The following KLF12 variants were observed in gnomAD, a reference collection of about 807,000 sequenced individuals.
KLF12 encodes Krueppel-like factor 12.
KLF12 carries 9 observed loss-of-function variants against 37.8 expected under a neutral mutation model. The ratio of observed to expected loss-of-function variants is 0.24; its 90% CI spans 0.14 to 0.42. The LOEUF (loss-of-function observed/expected upper bound fraction) is 0.42. KLF12 is among the 10% of genes least tolerant of loss of function. The pLI, the probability that KLF12 is intolerant of heterozygous loss-of-function variation, is 1.00. For missense variants in KLF12, 411 were observed against 516.0 expected, an observed-to-expected ratio of 0.80 and a Z score of 1.97; for synonymous variants, 208 against 202.1, an observed-to-expected ratio of 1.03 and a Z score of -0.25.
At chr13:73,714,976 G>C (rs1875688573) in intron 7 of KLF12, among the ~76,000 whole-genome samples, 1 of 152,108 alleles carries the variant, frequency 6.6e-6, no homozygotes, top group African/African-American at 2.4e-5. Flanking sequence ...TGCTATTTGG[G>C]AGAGAGTTTT....
Position 73,946,709 on chromosome 13 carries a change from TG to T in KLF12, c.34-2640del, listed in dbSNP as rs367614648. Among the ~76,000 whole-genome samples, 722 of 152,346 alleles carry T rather than the reference TG, an allele frequency of 4.7e-3. 12 individuals are homozygous for T. The highest frequency in any genetic ancestry group is 0.016 in the African/African-American group (676 of 41,582). ...CACCATAAATAACAATGTTCACAGC[TG>T]GGGAACTAAGCTTCAACTGTTAAAC... On this transcript the variant is annotated intron_variant, in intron 2 of 7. Coordinates refer to ENST00000377669, the MANE Select transcript of KLF12 (RefSeq NM_007249.5).
intron 3 of KLF12, among the ~76,000 whole-genome samples, chr13:73,870,962 G>T (rs1244158519): frequency 6.6e-6 from 1 of 152,070 alleles, no homozygotes; most frequent in South Asian, 2.1e-4. Flanking sequence ...TTTTACTTAT[G>T]CAACATATAA....
At chr13:73,898,272 A>T in intron 3 of KLF12, among the ~76,000 whole-genome samples, 1 of 152,202 alleles carries the variant, frequency 6.6e-6, no homozygotes, top group East Asian at 1.9e-4. Flanking sequence ...ATTCAAGGGT[A>T]ATTAACCGAT....
the KLF12 span, among the ~76,000 whole-genome samples, chr13:74,158,971 T>A: frequency 6.6e-6 from 1 of 152,220 alleles, no homozygotes; most frequent in African/African-American, 2.4e-5. Context: ...ATTGGTTCAA[T>A]GAGCATGTGC....
the KLF12 span, among the ~76,000 whole-genome samples, chr13:74,279,920 A>G: frequency 3.3e-5 from 5 of 152,206 alleles, no homozygotes; most frequent in South Asian, 2.1e-4. Context: ...GAAAGTCTCT[A>G]AGAGCAGAGG....
intron 3 of KLF12, among the ~76,000 whole-genome samples, chr13:73,914,449 T>A (rs995233856): frequency 6.6e-6 from 1 of 152,228 alleles, no homozygotes; most frequent in African/African-American, 2.4e-5. Context: ...ATAGTACACA[T>A]AGCAGGCACT....
chr13:74,093,329 T>G (rs1327010027), intron 1 of KLF12, among the ~76,000 whole-genome samples: 1 of 152,226 alleles, frequency 6.6e-6, no homozygotes, highest in Non-Finnish European at 1.5e-5. Flanking sequence ...TTTCCTCTAC[T>G]GTACTGAATC....
At chr13:74,203,424 T>G in the KLF12 span, among the ~76,000 whole-genome samples, 1 of 152,080 alleles carries the variant, frequency 6.6e-6, no homozygotes, top group African/African-American at 2.4e-5. Flanking sequence ...ATTAATTACA[T>G]GAAGAGTAAA....
intron 5 of KLF12, among the ~76,000 whole-genome samples, chr13:73,797,005 G>A (rs2138312315): frequency 6.6e-6 from 1 of 152,304 alleles, no homozygotes; most frequent in East Asian, 1.9e-4. Flanking sequence ...GGCTGTCTAG[G>A]GGTTTGGAGG....
intron 3 of KLF12, among the ~76,000 whole-genome samples, chr13:73,882,790 A>C (rs191012893): frequency 5.2e-4 from 79 of 152,342 alleles, no homozygotes; most frequent in African/African-American, 1.8e-3. Context: ...ACCAGAAGCA[A>C]TACAATGTAT....
At chr13:74,275,854 C>CTTTCTTTCTT in the KLF12 span, among the ~76,000 whole-genome samples, 3 of 114,904 alleles carry the variant, frequency 2.6e-5, no homozygotes, top group Admixed American at 9.4e-5. Context: ...TTCTTTCTTT[C>CTTTCTTTCTT]TTTCTTTCTT....
chr13:73,853,014 C>T lies in KLF12; in HGVS notation c.124-6641G>A, dbSNP rs1026880714. ...CCTCCCAAGTAGCTGGGACTACAGG[C>T]GCCCGCCACCATGCGGCTAATTTTT... On this transcript the variant is annotated intron_variant, in intron 3 of 7. Transcript: ENST00000377669. Among the ~76,000 whole-genome samples the T allele has an allele frequency of 4.6e-5, 7 of 151,496 alleles. No individual in the cohort carries two copies. In the South Asian group the frequency reaches 6.2e-4, roughly 14 times the overall value.
intron 4 of KLF12, among the ~76,000 whole-genome samples, chr13:73,823,566 A>G (rs1201235360): frequency 6.6e-6 from 1 of 152,232 alleles, no homozygotes; most frequent in Non-Finnish European, 1.5e-5. Flanking sequence ...TCATGATTGA[A>G]TTCCTTTTAG....
intron 2 of KLF12, among the ~76,000 whole-genome samples, chr13:73,950,815 A>C (rs1193494049): frequency 6.6e-6 from 1 of 152,186 alleles, no homozygotes; most frequent in Non-Finnish European, 1.5e-5. Context: ...TAAAGAAAAG[A>C]ATTGACTTCA....
At chr13:74,150,163 C>T in the KLF12 span, among the ~76,000 whole-genome samples, 1 of 151,944 alleles carries the variant, frequency 6.6e-6, no homozygotes, top group Admixed American at 6.6e-5. Context: ...ATTCACGTTG[C>T]CTAGTATAAT....
chr13:74,249,982 G>T, the KLF12 span, among the ~76,000 whole-genome samples: 2 of 152,188 alleles, frequency 1.3e-5, no homozygotes, highest in Non-Finnish European at 2.9e-5. Flanking sequence ...AACCAAAATA[G>T]TCTTGCTGGA....
At chr13:73,817,829 A>C (rs1883316858) in intron 4 of KLF12, among the ~76,000 whole-genome samples, 1 of 152,234 alleles carries the variant, frequency 6.6e-6, no homozygotes, top group Admixed American at 6.5e-5. Context: ...CGTAGGGTGA[A>C]GCATTCTGAA....
At chr13:73,845,752 T>A in intron 4 of KLF12, 75 bp downstream of exon 4, 1 of 1,323,974 alleles carries the variant, frequency 7.6e-7, no homozygotes, top group Non-Finnish European at 1.1e-6. Flanking sequence ...TTGTATACAA[T>A]TTAGGTTTTG....
intron 2 of KLF12, among the ~76,000 whole-genome samples, chr13:73,954,966 C>A (rs890798876): frequency 2.0e-5 from 3 of 152,110 alleles, no homozygotes; most frequent in Admixed American, 1.3e-4. Flanking sequence ...TAGGACATTG[C>A]CTTGGAGCAT....
Sources: gnomAD v4.1 joint callset for allele counts (sites outside exome capture counted in the v4.1 genomes callset) on GRCh38, gnomAD v4.1.1 for gene constraint, MANE v1.5 for transcripts, NCBI Gene and HGNC (gene_info 2026-07-23, HGNC 2026-07-21) for gene names.